NAV2: variants seen among roughly 807,000 people sequenced by gnomAD.
NAV2 encodes helicase, APC down-regulated 1.
NAV2 carries 54 observed loss-of-function variants against 223.2 expected under a neutral mutation model. That is an observed-to-expected ratio of 0.24 (90% CI 0.19 to 0.30). NAV2 has a LOEUF of 0.30. Among genes scored for constraint, NAV2 ranks in the 10% least tolerant of loss-of-function variants. The pLI is 1.00. For missense variants in NAV2, 2,806 were observed against 3,147.5 expected, an observed-to-expected ratio of 0.89 and a Z score of 2.60; for synonymous variants, 1,279 against 1,239.3, an observed-to-expected ratio of 1.03 and a Z score of -0.67.
At chr11:20,075,804 G>C (rs1248356535) in intron 22 of NAV2, among the ~76,000 whole-genome samples, 1 of 136,814 alleles carries the variant, frequency 7.3e-6, no homozygotes, top group Non-Finnish European at 1.5e-5. Context: ...ATCCAGCGTT[G>C]ATTCCTCACT....
intron 1 of NAV2, among the ~76,000 whole-genome samples, chr11:19,601,317 C>T (rs995173733): frequency 6.6e-6 from 1 of 152,200 alleles, no homozygotes; most frequent in African/African-American, 2.4e-5. Flanking sequence ...CTGCCTTCTG[C>T]CTGGTCCAGT....
At chr11:19,860,746 G>A (rs1453284232) in intron 3 of NAV2, among the ~76,000 whole-genome samples, 25 of 152,254 alleles carry the variant, frequency 1.6e-4, no homozygotes, top group Non-Finnish European at 3.5e-4. Flanking sequence ...GCACCATTGA[G>A]CACTGAGTGA....
chr11:19,424,548 T>C (rs898381291), intron 1 of NAV2, among the ~76,000 whole-genome samples: 2 of 152,222 alleles, frequency 1.3e-5, no homozygotes, highest in African/African-American at 4.8e-5. Context: ...TTCAGTGTTT[T>C]TTTGTTTGTT....
chr11:19,598,696 C>T (rs2046276052), intron 1 of NAV2, among the ~76,000 whole-genome samples: 1 of 152,136 alleles, frequency 6.6e-6, no homozygotes, highest in South Asian at 2.1e-4. Flanking sequence ...TCACCCAGCC[C>T]ATATGTGGCA....
chr11:19,562,228 C>T lies in NAV2; in HGVS notation c.75+211201C>T, dbSNP rs180929527. On this transcript the variant is annotated intron_variant, in intron 1 of 37. Coordinates refer to the NAV2 transcript ENST00000360655. ...TTATCTATATTTTCTCATTTAGTCTCGCAACATCCATATATAGAAAGACGG... is the reference window on the plus strand; with the variant it reads ...TTATCTATATTTTCTCATTTAGTCTTGCAACATCCATATATAGAAAGACGG... Among the ~76,000 whole-genome samples, 8 of 152,334 alleles carry T rather than the reference C, an allele frequency of 5.3e-5. No individual in the cohort carries two copies. The East Asian group carries it at 5.8e-4, about 11-fold the overall frequency.
intron 1 of NAV2, among the ~76,000 whole-genome samples, chr11:19,701,207 G>C (rs763996212): frequency 2.0e-4 from 30 of 152,122 alleles, no homozygotes; most frequent in Non-Finnish European, 3.4e-4. Flanking sequence ...AGGGGTTGGG[G>C]GTTGGTGGGG....
chr11:19,772,288 T>G (rs1268397693), intron 1 of NAV2, among the ~76,000 whole-genome samples: 1 of 152,176 alleles, frequency 6.6e-6, no homozygotes, highest in Non-Finnish European at 1.5e-5. Flanking sequence ...CTGCATGTAA[T>G]ATGACAGTAA....
chr11:20,049,854 T>C lies in NAV2; in HGVS notation c.4389T>C (p.Ala1463=), dbSNP rs978226028. 6.2e-7 allele frequency: 1 copy of C among 1,614,190 alleles called. No homozygotes were observed. Among genetic ancestry groups the C allele is most frequent in the Non-Finnish European group, 8.5e-7 (1 of 1,180,016 alleles). ...CTTCTAGCCCTCTCTCTTCCCCTGC[T>C]GCTAGCCCTAAGTTCTGCAGAAGTA... ...TLSESPLSSP[A]ASPKFCRSTL... Residue 1463 remains alanine (A), a synonymous_variant, in exon 16 of 38, where the codon GCT becomes GCC. Transcript: ENST00000349880.
chr11:20,049,815 T>G, intron 15 of NAV2, 21 bp from the exon 16 acceptor site: 2 of 1,613,020 alleles, frequency 1.2e-6, no homozygotes, highest in African/African-American at 2.7e-5. Flanking sequence ...TCTCTTGTTT[T>G]CTACCTGCCT....
chr11:19,866,106 A>G (rs891353559), intron 3 of NAV2, among the ~76,000 whole-genome samples: 8 of 149,622 alleles, frequency 5.3e-5, no homozygotes, highest in Non-Finnish European at 7.5e-5. Flanking sequence ...ATTGAGTGCC[A>G]TGCTGGCACA....
At chr11:19,383,329 A>G (rs906598852) in intron 1 of NAV2, among the ~76,000 whole-genome samples, 3 of 152,254 alleles carry the variant, frequency 2.0e-5, no homozygotes, top group African/African-American at 4.8e-5. Flanking sequence ...AAGGAGAGCC[A>G]TAAGGTGGCA....
chr11:19,443,313 G>T (rs1851469824), intron 1 of NAV2, among the ~76,000 whole-genome samples: 1 of 152,218 alleles, frequency 6.6e-6, no homozygotes, highest in African/African-American at 2.4e-5. Context: ...GACCTTCTCA[G>T]TGGCCACCAA....
intron 5 of NAV2, among the ~76,000 whole-genome samples, chr11:19,885,011 C>A (rs1175554446): frequency 6.6e-6 from 1 of 152,194 alleles, no homozygotes; most frequent in Non-Finnish European, 1.5e-5. Context: ...AGACTTCAAC[C>A]TGTCTGCTGC....
intron 20 of NAV2, among the ~76,000 whole-genome samples, chr11:20,063,368 A>G (rs914578763): frequency 7.6e-6 from 1 of 131,882 alleles, no homozygotes; most frequent in African/African-American, 2.6e-5. Flanking sequence ...TTATAGCTGT[A>G]CACTATTTAT....
At chr11:19,455,331 A>G (rs556185528) in intron 1 of NAV2, among the ~76,000 whole-genome samples, 4 of 152,334 alleles carry the variant, frequency 2.6e-5, no homozygotes, top group African/African-American at 9.6e-5. Flanking sequence ...GAGTCTGTTT[A>G]CCATATCCCT....
chr11:19,893,523 T>C (rs2041687505), intron 6 of NAV2, among the ~76,000 whole-genome samples: 1 of 152,156 alleles, frequency 6.6e-6, no homozygotes, highest in Non-Finnish European at 1.5e-5. Context: ...CCTCCTACTG[T>C]GAATGAGCTG....
At chr11:19,790,914 TA>T (rs2057472979) in intron 1 of NAV2, among the ~76,000 whole-genome samples, 1 of 151,948 alleles carries the variant, frequency 6.6e-6, no homozygotes, top group Non-Finnish European at 1.5e-5. Flanking sequence ...TTTTTTTTTT[TA>T]TTTGTTAGCA....
rs551090085 is a variant in NAV2 at position 19,619,587 on chromosome 11, G to A, written c.76-212897G>A. ...TAAGAAGTGTCTGTTCATATCCTTC[G>A]CCCACTTTTTGATGGGGTTGTTTGA... On this transcript the variant is annotated intron_variant, in intron 1 of 37. Transcript: ENST00000360655. Among the ~76,000 whole-genome samples, 26 of 152,170 alleles carry A rather than the reference G, an allele frequency of 1.7e-4. No individual in the cohort carries two copies. The South Asian group carries it at 4.6e-3, about 27-fold the overall frequency.
At chr11:19,588,836 A>G (rs1416808034) in intron 1 of NAV2, among the ~76,000 whole-genome samples, 3 of 152,364 alleles carry the variant, frequency 2.0e-5, no homozygotes, top group Non-Finnish European at 4.4e-5. Context: ...GGGCTTGGTC[A>G]GCCTCATTTG....
Sources: gnomAD v4.1 joint callset for allele counts (sites outside exome capture counted in the v4.1 genomes callset) on GRCh38, gnomAD v4.1.1 for gene constraint, MANE v1.5 for transcripts, NCBI Gene and HGNC (gene_info 2026-07-23, HGNC 2026-07-21) for gene names.